Variants in DRC8 observed in about 807,000 individuals in gnomAD.
DRC8 encodes dynein regulatory complex subunit 8.
the DRC8 span, among the ~76,000 whole-genome samples, chr1:245,076,524 A>G: frequency 6.6e-6 from 1 of 152,090 alleles, no homozygotes; most frequent in African/African-American, 2.4e-5. Flanking sequence ...ACCAATACAG[A>G]AAGAAGTCAA....
At chr1:244,974,966 T>A in the DRC8 span, among the ~76,000 whole-genome samples, 1 of 152,136 alleles carries the variant, frequency 6.6e-6, no homozygotes, top group Non-Finnish European at 1.5e-5. Flanking sequence ...AGTCTCGCTC[T>A]GTCGCCCAGG....
At chr1:245,102,415 T>A in the DRC8 span, among the ~76,000 whole-genome samples, 3 of 152,238 alleles carry the variant, frequency 2.0e-5, no homozygotes, top group African/African-American at 7.2e-5. Flanking sequence ...AATTATGTGA[T>A]CTCAGCTCAC....
chr1:245,076,607 GATATA>G, the DRC8 span, among the ~76,000 whole-genome samples: 245 of 152,246 alleles, frequency 1.6e-3, 2 homozygotes, highest in South Asian at 0.012. Context: ...AAACATGTCT[GATATA>G]ATATATGGAA....
chr1:245,035,554 T>G, the DRC8 span, among the ~76,000 whole-genome samples: 1 of 152,142 alleles, frequency 6.6e-6, no homozygotes, highest in Non-Finnish European at 1.5e-5. Context: ...CCACACACCA[T>G]ATATGAAAAT....
the DRC8 span, chr1:245,059,397 C>T: frequency 6.2e-7 from 1 of 1,609,696 alleles, no homozygotes. Flanking sequence ...GAGATTGGAA[C>T]AATTATCAGG....
At chr1:245,116,409 A>ACAAAG in the DRC8 span, among the ~76,000 whole-genome samples, 3 of 152,038 alleles carry the variant, frequency 2.0e-5, no homozygotes, top group East Asian at 5.8e-4. Flanking sequence ...ACAAAACAAA[A>ACAAAG]CAAAAAAAAC....
chr1:245,052,340 G>A, the DRC8 span, among the ~76,000 whole-genome samples: 1 of 152,174 alleles, frequency 6.6e-6, no homozygotes, highest in Non-Finnish European at 1.5e-5. Flanking sequence ...CAGGATGGAG[G>A]GTGAAGGGCC....
chr1:245,008,799 G>A, the DRC8 span, among the ~76,000 whole-genome samples: 1 of 151,536 alleles, frequency 6.6e-6, no homozygotes, highest in Non-Finnish European at 1.5e-5. Flanking sequence ...CTCCCGAGTA[G>A]TTGGGACTAT....
At chr1:244,970,267 T>A in the DRC8 span, 1 of 709,434 alleles carries the variant, frequency 1.4e-6, no homozygotes, top group Non-Finnish European at 2.5e-6. Context: ...CGGAGCCTCC[T>A]CCCCGCCCCG....
At chr1:245,016,481 C>A in the DRC8 span, among the ~76,000 whole-genome samples, 1 of 152,336 alleles carries the variant, frequency 6.6e-6, no homozygotes, top group Admixed American at 6.5e-5. Context: ...CATTCTCCCC[C>A]ACCCACGCCC....
chr1:244,978,312 G>A, the DRC8 span, among the ~76,000 whole-genome samples: 1 of 152,086 alleles, frequency 6.6e-6, no homozygotes, highest in Non-Finnish European at 1.5e-5. Flanking sequence ...TGGCCAACAC[G>A]GGAAAACCCC....
chr1:245,014,074 A>AAAAGATTTT, the DRC8 span, among the ~76,000 whole-genome samples: 3 of 150,744 alleles, frequency 2.0e-5, no homozygotes, highest in African/African-American at 2.4e-5. Flanking sequence ...AAAAAAGAAA[A>AAAAGATTTT]GAGTAGTTAA....
the DRC8 span, among the ~76,000 whole-genome samples, chr1:245,111,617 TG>T: frequency 6.6e-6 from 1 of 152,236 alleles, no homozygotes; most frequent in African/African-American, 2.4e-5. Flanking sequence ...AAAGGCAGCC[TG>T]TTCCTTCTGA....
At chr1:245,027,332 A>G in the DRC8 span, among the ~76,000 whole-genome samples, 103,782 of 151,786 alleles carry the variant, frequency 0.68, 40,408 homozygotes, top group Non-Finnish European at 0.84. Flanking sequence ...AGGGTGGGAA[A>G]TTAATGAGAA....
At chr1:244,979,292 CTTTTTTTTTTTTT>C in the DRC8 span, among the ~76,000 whole-genome samples, 2 of 51,370 alleles carry the variant, frequency 3.9e-5, no homozygotes, top group African/African-American at 2.0e-4. Flanking sequence ...CGAAGCTTAT[CTTTTTTTTTTTTT>C]TTTTTTTTTT....
chr1:245,051,156 G>A, the DRC8 span, among the ~76,000 whole-genome samples: 1 of 152,100 alleles, frequency 6.6e-6, no homozygotes, highest in African/African-American at 2.4e-5. Context: ...TTGGGAGGCT[G>A]AGGTAGGAGG....
the DRC8 span, among the ~76,000 whole-genome samples, chr1:245,016,452 TAAG>T: frequency 6.6e-6 from 1 of 152,174 alleles, no homozygotes. Flanking sequence ...CAGGCCTCTC[TAAG>T]ACCACCGTAT....
At chr1:245,030,991 G>T in the DRC8 span, among the ~76,000 whole-genome samples, 1 of 152,234 alleles carries the variant, frequency 6.6e-6, no homozygotes, top group African/African-American at 2.4e-5. Flanking sequence ...GCCTAGGGAG[G>T]CAGGTCCAAT....
chr1:245,063,736 T>G, the DRC8 span, among the ~76,000 whole-genome samples: 2 of 152,170 alleles, frequency 1.3e-5, no homozygotes, highest in Non-Finnish European at 2.9e-5. Context: ...CAACTCTTTT[T>G]TTTGAGATGG....
Sources: gnomAD v4.1 joint callset for allele counts (sites outside exome capture counted in the v4.1 genomes callset) on GRCh38, gnomAD v4.1.1 for gene constraint, MANE v1.5 for transcripts, NCBI Gene and HGNC (gene_info 2026-07-23, HGNC 2026-07-21) for gene names.